Variants in CYP19A1 observed in about 807,000 individuals in gnomAD.
CYP19A1 encodes the protein aromatase.
A neutral mutation model predicts 44.4 loss-of-function variants in CYP19A1; 32 were observed. The ratio of observed to expected loss-of-function variants is 0.72; its 90% CI spans 0.54 to 0.97. CYP19A1 has a LOEUF of 0.97. Among genes scored for constraint, CYP19A1 ranks in the 50% least tolerant of loss-of-function variants. CYP19A1 has a pLI of 0.00. For synonymous variants in CYP19A1, 212 were observed against 215.6 expected, an observed-to-expected ratio of 0.98 and a Z score of 0.14; for missense variants, 598 against 637.8, an observed-to-expected ratio of 0.94 and a Z score of 0.67.
intron 4 of CYP19A1, among the ~76,000 whole-genome samples, chr15:51,227,161 T>A (rs929402115): frequency 3.9e-5 from 6 of 152,124 alleles, no homozygotes; most frequent in Non-Finnish European, 7.3e-5. Flanking sequence ...TTTGTGGTGA[T>A]TAAGAAATAT....
intron 1 of CYP19A1, among the ~76,000 whole-genome samples, chr15:51,296,767 T>G (rs2036003409): frequency 6.6e-6 from 1 of 152,238 alleles, no homozygotes; most frequent in African/African-American, 2.4e-5. Context: ...TAGTGGGTCC[T>G]TCCTCCTACC....
chr15:51,297,458 G>A (rs1163586494), intron 1 of CYP19A1, among the ~76,000 whole-genome samples: 1 of 152,132 alleles, frequency 6.6e-6, no homozygotes, highest in Non-Finnish European at 1.5e-5. Flanking sequence ...TGCCTCAAGC[G>A]TTCAATGCCT....
At chr15:51,219,385 C>A (rs1460557601) in intron 5 of CYP19A1, among the ~76,000 whole-genome samples, 1 of 152,150 alleles carries the variant, frequency 6.6e-6, no homozygotes, top group African/African-American at 2.4e-5. Context: ...AAAGAGAGAA[C>A]AGACATATAT....
chr15:51,242,483 C>T (rs1271256099), intron 2 of CYP19A1, among the ~76,000 whole-genome samples: 1 of 152,092 alleles, frequency 6.6e-6, no homozygotes, highest in Admixed American at 6.5e-5. Flanking sequence ...TACTCCACCC[C>T]ATCTTGAGCT....
Position 51,236,914 on chromosome 15 carries a change from A to T in CYP19A1, c.241T>A (p.Tyr81Asn). ...ATCCAGACTCGCATGAATTCTCCAT[A>T]TACCCGGTTGTAGTAGTTGCAGGCA... Reference protein sequence around the residue: ...GSACNYYNRVYGEFMRVWISG... With the variant: ...GSACNYYNRVNGEFMRVWISG... Residue 81 changes from tyrosine to asparagine, a missense_variant, in exon 3 of 10, where the codon TAT (tyrosine) becomes AAT (asparagine). By Grantham distance (143) the Tyr-to-Asn change is moderately radical. Coordinates refer to ENST00000396402, the MANE Select transcript of CYP19A1 (RefSeq NM_000103.4). 1 of 1,614,160 alleles carries T rather than the reference A, an allele frequency of 6.2e-7. No individual in the cohort carries two copies. Among genetic ancestry groups the T allele is most frequent in the Non-Finnish European group, 8.5e-7 (1 of 1,180,014 alleles).
chr15:51,329,236 A>G (rs1412267758), intron 1 of CYP19A1, among the ~76,000 whole-genome samples: 1 of 152,094 alleles, frequency 6.6e-6, no homozygotes, highest in African/African-American at 2.4e-5. Context: ...CTTGGCCACA[A>G]CAGCCCTTGG....
intron 1 of CYP19A1, among the ~76,000 whole-genome samples, chr15:51,271,328 A>C (rs186406247): frequency 4.6e-4 from 70 of 152,264 alleles, no homozygotes; most frequent in African/African-American, 1.7e-3. Context: ...CTGACTACCC[A>C]GTTAACCCTA....
At chr15:51,218,465 A>G (rs2031777759) in intron 6 of CYP19A1, 76 bp downstream of exon 6, 1 of 1,539,892 alleles carries the variant, frequency 6.5e-7, no homozygotes, top group Non-Finnish European at 8.7e-7. Context: ...TGAGAGGCCA[A>G]GAAAAACAGC....
intron 1 of CYP19A1, among the ~76,000 whole-genome samples, chr15:51,294,311 G>C (rs1406423131): frequency 5.1e-5 from 7 of 136,414 alleles, no homozygotes; most frequent in African/African-American, 2.0e-4. Context: ...TGTGGGGAGC[G>C]CCTCTGCCCC....
intron 1 of CYP19A1, among the ~76,000 whole-genome samples, chr15:51,282,285 C>T (rs527478118): frequency 3.9e-5 from 6 of 152,324 alleles, no homozygotes; most frequent in African/African-American, 1.4e-4. Context: ...TGAGGCAGGG[C>T]TTGCATGTCT....
rs1019472032 is a variant in CYP19A1 at position 51,222,584 on chromosome 15, T to C, written c.452-59A>G. On this transcript the variant is annotated intron_variant, in intron 4 of 9. Coordinates refer to ENST00000396402, the MANE Select transcript of CYP19A1 (RefSeq NM_000103.4). ...GAACTCCAGGGCACACACACAATCATGCCATTTTGGCTTTTTATGTTGGAG... is the reference window on the plus strand; with the variant it reads ...GAACTCCAGGGCACACACACAATCACGCCATTTTGGCTTTTTATGTTGGAG... 4.2e-6 allele frequency: 6 copies of C among 1,442,900 alleles called. No homozygotes were observed. In the African/African-American group the frequency reaches 5.6e-5, roughly 13 times the overall value. 89.4% of individuals were successfully genotyped at this position (1,442,900 alleles called of 1,614,324 possible).
chr15:51,282,592 G>A (rs1304445989), intron 1 of CYP19A1, among the ~76,000 whole-genome samples: 1 of 152,188 alleles, frequency 6.6e-6, no homozygotes, highest in South Asian at 2.1e-4. Flanking sequence ...TTGGCCACCT[G>A]GACCCACTTT....
intron 1 of CYP19A1, among the ~76,000 whole-genome samples, chr15:51,276,417 C>A (rs2035313078): frequency 6.6e-6 from 1 of 152,228 alleles, no homozygotes; most frequent in South Asian, 2.1e-4. Flanking sequence ...AAAAACTTAG[C>A]TGCCACTTGC....
chr15:51,277,937 C>T (rs2035374476), intron 1 of CYP19A1: 1 of 145,318 alleles, frequency 6.9e-6, no homozygotes, highest in Non-Finnish European at 1.5e-5. Flanking sequence ...ATTTTGTTCT[C>T]TTCAATAGTT....
chr15:51,258,395 A>G (rs986106861), intron 1 of CYP19A1, among the ~76,000 whole-genome samples: 4 of 152,188 alleles, frequency 2.6e-5, no homozygotes, highest in Admixed American at 2.0e-4. Flanking sequence ...GGCATTTGGT[A>G]TATATCCTTG....
intron 1 of CYP19A1, among the ~76,000 whole-genome samples, chr15:51,281,683 G>A (rs2035523998): frequency 6.6e-6 from 1 of 152,062 alleles, no homozygotes; most frequent in African/African-American, 2.4e-5. Context: ...TAATGGCCAA[G>A]TTTGAATCTG....
intron 1 of CYP19A1, among the ~76,000 whole-genome samples, chr15:51,327,854 A>G (rs749485921): frequency 1.3e-5 from 2 of 151,662 alleles, no homozygotes; most frequent in African/African-American, 4.9e-5. Flanking sequence ...CTACCTACAC[A>G]TAAAATTTCC....
intron 1 of CYP19A1, among the ~76,000 whole-genome samples, chr15:51,274,680 T>G (rs1223853272): frequency 6.6e-6 from 1 of 152,216 alleles, no homozygotes. Flanking sequence ...GTCTGAGTGA[T>G]GGAAGGATCA....
At chr15:51,238,836 A>T (rs539506114) in intron 2 of CYP19A1, among the ~76,000 whole-genome samples, 1 of 152,224 alleles carries the variant, frequency 6.6e-6, no homozygotes, top group Non-Finnish European at 1.5e-5. Context: ...AGCTTAATTC[A>T]TCCAACAAAC....
Sources: allele counts gnomAD v4.1 joint callset (sites outside exome capture counted in the v4.1 genomes callset), GRCh38; gene constraint gnomAD v4.1.1; transcripts MANE v1.5; gene names NCBI Gene and HGNC (gene_info 2026-07-23, HGNC 2026-07-21).